CCDC74A: variants seen among roughly 807,000 people sequenced by gnomAD.
The protein encoded by CCDC74A is coiled-coil domain-containing protein 74A.
In CCDC74A, 38 loss-of-function variants were observed where a neutral mutation model predicts 37.6. The ratio of observed to expected loss-of-function variants is 1.01; its 90% CI spans 0.78 to 1.33. CCDC74A has a LOEUF of 1.33. Among genes scored for constraint, CCDC74A ranks in the 40% most tolerant of loss-of-function variants. The pLI is 0.00. For missense variants in CCDC74A, 340 were observed against 403.4 expected (o/e 0.84, Z 1.35); for synonymous variants, 134 against 165.2 (o/e 0.81, Z 1.45).
At chr2:131,532,393 A>G (rs1163467083) in intron 4 of CCDC74A, among the ~76,000 whole-genome samples, 196 bp from the exon 5 acceptor site, 1 of 149,798 alleles carries the variant, frequency 6.7e-6, no homozygotes, top group Admixed American at 6.7e-5. Context: ...CCCTTAGGGC[A>G]CCTTCAGAGG....
chr2:131,525,423 G>T (rs1316202970), upstream of CCDC74A, among the ~76,000 whole-genome samples: 1 of 152,134 alleles, frequency 6.6e-6, no homozygotes, highest in Non-Finnish European at 1.5e-5. Flanking sequence ...TGGCTATATT[G>T]CCCAGGCTGG....
chr2:131,525,384 A>T (rs1271203750), upstream of CCDC74A, among the ~76,000 whole-genome samples: 3 of 151,742 alleles, frequency 2.0e-5, no homozygotes, highest in African/African-American at 2.4e-5. Flanking sequence ...ATGCAGGCAA[A>T]TTTTTTAGTT....
Sources: gnomAD v4.1 joint callset for allele counts (sites outside exome capture counted in the v4.1 genomes callset) on GRCh38, gnomAD v4.1.1 for gene constraint, MANE v1.5 for transcripts, NCBI Gene and HGNC (gene_info 2026-07-23, HGNC 2026-07-21) for gene names.